USH2A: variants seen among roughly 807,000 people sequenced by gnomAD.
USH2A encodes Usher syndrome 2A (autosomal recessive, mild).
In USH2A, 443 loss-of-function variants were observed where a neutral mutation model predicts 538.9. That is an observed-to-expected ratio of 0.82 (90% confidence interval 0.76 to 0.89). The LOEUF (loss-of-function observed/expected upper bound fraction) is 0.89. USH2A is among the 40% of genes least tolerant of loss of function. The pLI is 0.00. For synonymous variants in USH2A, 2,413 were observed against 2,273.5 expected (o/e 1.06, Z -1.75); for missense variants, 6,633 against 6,324.8 (o/e 1.05, Z -1.65).
At chr1:215,978,100 C>T (rs112977193) in intron 35 of USH2A, among the ~76,000 whole-genome samples, 2,823 of 152,254 alleles carry the variant, frequency 0.019, 91 homozygotes, top group African/African-American at 0.065. Context: ...GCACTCCAGC[C>T]TGGGTGACAA....
chr1:215,782,263 C>A, intron 53 of USH2A, 67 bp from the exon 54 acceptor site: 4 of 1,541,176 alleles, frequency 2.6e-6, no homozygotes, highest in Non-Finnish European at 3.6e-6. Context: ...AAACAACTTA[C>A]AAATCTTAGT....
At chr1:215,735,345 A>G (rs1201174245) in intron 60 of USH2A, among the ~76,000 whole-genome samples, 1 of 152,182 alleles carries the variant, frequency 6.6e-6, no homozygotes, top group East Asian at 1.9e-4. Flanking sequence ...TTAGTTACCT[A>G]GTTAACAAAT....
intron 48 of USH2A, among the ~76,000 whole-genome samples, chr1:215,815,119 T>TA (rs1662821659): frequency 3.4e-5 from 2 of 59,602 alleles, no homozygotes; most frequent in South Asian, 8.4e-4. Flanking sequence ...AACTTTACAA[T>TA]TTTTTTTTTG....
rs759898765 is a variant in USH2A at position 215,680,159 on chromosome 1, C to T, written c.12284G>A (p.Gly4095Asp). Reference sequence around the variant, plus strand: ...CAGGGTAGACATTACCTTAATCACACCATTGGTTCTCATAGGTTCTGACCA... The same window carrying T: ...CAGGGTAGACATTACCTTAATCACATCATTGGTTCTCATAGGTTCTGACCA... ...LQWSEPMRTN[G>D]VIKTYNIFSD... The change falls in exon 62 of 72, where the codon GGT (glycine) becomes GAT (aspartate). Residue 4095 changes from glycine to aspartate, a missense_variant. By Grantham distance (94) the Gly-to-Asp change is moderately conservative (BLOSUM62 -1). Transcript: ENST00000307340. 5 of 1,614,070 alleles carry T rather than the reference C, an allele frequency of 3.1e-6. No homozygotes were observed. Among genetic ancestry groups the T allele is most frequent in the African/African-American group, 1.3e-5 (1 of 75,030 alleles).
intron 39 of USH2A, 129 bp downstream of exon 39, chr1:215,900,626 T>C (rs1278768496): frequency 2.5e-6 from 3 of 1,197,384 alleles, no homozygotes; most frequent in African/African-American, 3.0e-5. Flanking sequence ...CCTCTAATTG[T>C]TTGGGGTTTT....
intron 37 of USH2A, among the ~76,000 whole-genome samples, chr1:215,962,654 T>C (rs2577032): frequency 0.8 from 120,765 of 150,764 alleles, 48,326 homozygotes; most frequent in East Asian, 0.91. Context: ...TGTTTGTTTA[T>C]GTATACACAC....
intron 32 of USH2A, among the ~76,000 whole-genome samples, chr1:216,036,796 A>G (rs2030000372): frequency 6.6e-6 from 1 of 151,924 alleles, no homozygotes; most frequent in African/African-American, 2.4e-5. Flanking sequence ...ACATCTTAGC[A>G]ATTGCCTGTA....
chr1:216,337,962 T>C (rs1177794610), intron 4 of USH2A, among the ~76,000 whole-genome samples: 1 of 151,334 alleles, frequency 6.6e-6, no homozygotes, highest in East Asian at 1.9e-4. Context: ...TTATCCCTTT[T>C]ATTATAAGTT....
At chr1:216,137,368 C>A (rs1401029596) in intron 21 of USH2A, among the ~76,000 whole-genome samples, 1 of 152,106 alleles carries the variant, frequency 6.6e-6, no homozygotes, top group East Asian at 1.9e-4. Context: ...GTGAAAGGCA[C>A]TTCTTACGTG....
At chr1:216,097,013 A>G in intron 22 of USH2A, 70 bp downstream of exon 22, 5 of 1,418,188 alleles carry the variant, frequency 3.5e-6, no homozygotes, top group Non-Finnish European at 2.9e-6. Context: ...GTGAAAACAG[A>G]AGCATTTACC....
At position 216,173,978 on chromosome 1, in the gene USH2A, T is replaced by G. The variant is rs535500196; in HGVS notation, c.4627+1274A>C. 10 of 985,264 alleles carry G rather than the reference T, an allele frequency of 1.0e-5. No homozygotes were observed. The African/African-American group carries it at 1.4e-4, about 14-fold the overall frequency. The allele number at this position is 985,264 out of a possible 1,614,324, so 61.0% of individuals were successfully genotyped here. ...CCATTTTAAGAATATAAAGCAGAAG[T>G]TGAGCATTTTTAGCTCAATGGTTCA... On this transcript the variant is annotated intron_variant, in intron 21 of 71. Coordinates refer to ENST00000307340, the MANE Select transcript of USH2A (RefSeq NM_206933.4).
At chr1:215,729,293 T>C (rs1258009978) in intron 60 of USH2A, among the ~76,000 whole-genome samples, 1 of 152,242 alleles carries the variant, frequency 6.6e-6, no homozygotes, top group East Asian at 1.9e-4. Context: ...GTTCCCAGGA[T>C]GTTTACAAAG....
At chr1:216,200,220 C>A in intron 16 of USH2A, 99 bp from the exon 17 acceptor site, 1 of 1,202,500 alleles carries the variant, frequency 8.3e-7, no homozygotes, top group Non-Finnish European at 1.2e-6. Context: ...ATTACATAAA[C>A]TATACCAATC....
chr1:215,937,165 G>T (rs367957287), intron 37 of USH2A, among the ~76,000 whole-genome samples: 1 of 151,954 alleles, frequency 6.6e-6, no homozygotes, highest in Admixed American at 6.6e-5. Context: ...GGGCTAAAAC[G>T]TGACAATGAT....
At chr1:216,037,595 A>G (rs996873142) in intron 32 of USH2A, among the ~76,000 whole-genome samples, 7 of 152,044 alleles carry the variant, frequency 4.6e-5, no homozygotes, top group African/African-American at 1.7e-4. Context: ...CACCTGTTTA[A>G]AATTTCCATT....
At chr1:216,292,984 C>T (rs1165825310) in intron 9 of USH2A, among the ~76,000 whole-genome samples, 1 of 150,588 alleles carries the variant, frequency 6.6e-6, no homozygotes, top group East Asian at 2.0e-4. Context: ...TGCTTGCCTT[C>T]ATCTCACCTA....
chr1:216,078,709 CTT>C lies in USH2A; in HGVS notation c.5299-349_5299-348del, dbSNP rs2031837858. On this transcript the variant is annotated intron_variant, in intron 26 of 71. Coordinates refer to ENST00000307340, the MANE Select transcript of USH2A (RefSeq NM_206933.4). ...CTGAATGACTGAAGAGAACAGAACA[CTT>C]TGAACTATGACTCTTTGAATTTTTA... Among the ~76,000 whole-genome samples, 5 of 152,196 alleles carry C rather than the reference CTT, an allele frequency of 3.3e-5. No homozygotes were observed. In the South Asian group the frequency reaches 1.0e-3, roughly 32 times the overall value.
In USH2A at chr1:216,323,540, G is replaced by A. The variant is rs543335786; in HGVS notation, c.1484C>T (p.Thr495Ile). Residue 495 changes from threonine to isoleucine, a missense_variant, in exon 8 of 72, where the codon ACA becomes ATA. Transcript: ENST00000307340. ...TCTGAGGTTAACAGCAGTCTCAGTT[G>A]TATAGTACTGCCCATGAAAATGAAA... is the stretch of plus-strand genomic sequence containing the variant. ...IRFHFHGQYY[T>I]TETAVNLRHR... 6.2e-7 allele frequency: 1 copy of A among 1,613,476 alleles called. No homozygotes were observed. Among genetic ancestry groups the A allele is most frequent in the South Asian group, 1.1e-5 (1 of 91,080 alleles).
At chr1:216,256,404 C>G (rs375665854) in intron 11 of USH2A, among the ~76,000 whole-genome samples, 12 of 145,904 alleles carry the variant, frequency 8.2e-5, no homozygotes, top group East Asian at 4.1e-4. Flanking sequence ...TTAGTTATAA[C>G]TCTTTGTTTT....
Sources: allele counts gnomAD v4.1 joint callset (sites outside exome capture counted in the v4.1 genomes callset), GRCh38; gene constraint gnomAD v4.1.1; transcripts MANE v1.5; gene names NCBI Gene and HGNC (gene_info 2026-07-23, HGNC 2026-07-21).